The following CUX1 variants were observed in gnomAD, a reference collection of about 807,000 sequenced individuals.
CUX1 encodes protein CASP.
A neutral mutation model predicts 158.8 loss-of-function variants in CUX1; 31 were observed. That is an observed-to-expected ratio of 0.20 (90% CI 0.15 to 0.26). The LOEUF (loss-of-function observed/expected upper bound fraction) is 0.26, where lower values mean the gene tolerates loss of function less well. Ranked by LOEUF, CUX1 falls within the 10% of genes least tolerant of loss-of-function variation. CUX1 has a pLI of 1.00. For synonymous variants in CUX1, 879 were observed against 862.1 expected (o/e 1.02, Z -0.34); for missense variants, 1,589 against 2,014.6 (o/e 0.79, Z 4.04).
chr7:102,158,174 T>A (rs1789996029), intron 8 of CUX1, among the ~76,000 whole-genome samples: 1 of 152,072 alleles, frequency 6.6e-6, no homozygotes, highest in Admixed American at 6.6e-5. Flanking sequence ...ACCTGTCACC[T>A]CCTCTGCAGC....
chr7:102,049,129 A>G (rs986890628), intron 3 of CUX1, among the ~76,000 whole-genome samples: 11 of 152,204 alleles, frequency 7.2e-5, no homozygotes, highest in African/African-American at 2.4e-4. Flanking sequence ...CTAGGGGGAC[A>G]CAGTACTGGG....
chr7:102,190,503 ACTGACCTCCC>A (rs1554516703), intron 12 of CUX1, among the ~76,000 whole-genome samples: 1 of 152,078 alleles, frequency 6.6e-6, no homozygotes. Flanking sequence ...CTCCAGGCTC[ACTGACCTCCC>A]CTGCAAGCCT....
intron 11 of CUX1, among the ~76,000 whole-genome samples, chr7:102,183,641 T>G (rs898740519): frequency 1.3e-5 from 2 of 152,108 alleles, no homozygotes; most frequent in East Asian, 3.9e-4. Flanking sequence ...CAGTGTCAGC[T>G]AAGGGTCTGT....
At chr7:102,081,016 T>C (rs1346602106) in intron 4 of CUX1, among the ~76,000 whole-genome samples, 1 of 152,156 alleles carries the variant, frequency 6.6e-6, no homozygotes, top group Non-Finnish European at 1.5e-5. Flanking sequence ...CGATACCTTC[T>C]GGTTTCTGGC....
chr7:101,986,938 G>T (rs2129230933), intron 2 of CUX1, among the ~76,000 whole-genome samples: 1 of 152,210 alleles, frequency 6.6e-6, no homozygotes, highest in Middle Eastern at 3.4e-3. Flanking sequence ...TGGAAGCCGT[G>T]GGGATGTGGT....
chr7:101,938,638 G>T (rs1448455378), intron 2 of CUX1, among the ~76,000 whole-genome samples: 1 of 152,150 alleles, frequency 6.6e-6, no homozygotes, highest in East Asian at 1.9e-4. Flanking sequence ...GGGTGCAGTG[G>T]CTCACACCTG....
At chr7:101,825,512 C>T (rs972598595) in intron 1 of CUX1, among the ~76,000 whole-genome samples, 30 of 152,084 alleles carry the variant, frequency 2.0e-4, no homozygotes, top group African/African-American at 5.8e-4. Context: ...CGGAGCTGGC[C>T]GTCCCAGAGG....
At chr7:101,930,236 A>G (rs1472987316) in intron 2 of CUX1, among the ~76,000 whole-genome samples, 1 of 152,160 alleles carries the variant, frequency 6.6e-6, no homozygotes, top group East Asian at 1.9e-4. Flanking sequence ...GAAGTGGCAT[A>G]CTCATTTAAA....
chr7:101,827,157 G>A (rs1793396113), intron 1 of CUX1, among the ~76,000 whole-genome samples: 1 of 151,932 alleles, frequency 6.6e-6, no homozygotes, highest in African/African-American at 2.4e-5. Context: ...AACAACATGG[G>A]GATTAGGGGC....
intron 14 of CUX1, among the ~76,000 whole-genome samples, chr7:102,272,764 C>T (rs1554546558): frequency 1.3e-5 from 2 of 152,196 alleles, no homozygotes; most frequent in Non-Finnish European, 2.9e-5. Flanking sequence ...GAGAGACAGA[C>T]AGGGCTGTGG....
rs542631593 is a variant in CUX1, at chr7:102,241,797, C to T, written c.3887+2213C>T. Among the ~76,000 whole-genome samples, 5 of 152,372 alleles carry T rather than the reference C, an allele frequency of 3.3e-5. No homozygotes were observed. In the East Asian group the frequency reaches 7.7e-4, roughly 23 times the overall value. ...ACAGGCCTCCCCGTGTTCCAGCTAC[C>T]TCCCGCAAGGACAAAATCCAGGATT... On this transcript the variant is annotated intron_variant, in intron 23 of 23. Coordinates refer to ENST00000292535, the MANE Select transcript of CUX1 (RefSeq NM_181552.4).
intron 10 of CUX1, among the ~76,000 whole-genome samples, chr7:102,178,016 C>G (rs1023176013): frequency 2.6e-5 from 4 of 152,106 alleles, no homozygotes; most frequent in Admixed American, 1.3e-4. Context: ...CTCAGCCTCC[C>G]GAGTAGCTGG....
intron 3 of CUX1, among the ~76,000 whole-genome samples, chr7:102,044,555 C>T (rs564730788): frequency 1.3e-5 from 2 of 152,268 alleles, no homozygotes; most frequent in South Asian, 4.1e-4. Flanking sequence ...TCCCCTCTTT[C>T]CAGCCTGCTC....
At chr7:102,274,708 C>T (rs991929122) in intron 16 of CUX1, among the ~76,000 whole-genome samples, 10 of 152,214 alleles carry the variant, frequency 6.6e-5, no homozygotes, top group African/African-American at 1.9e-4. Flanking sequence ...TCAGCCCTGC[C>T]GGTGGCCTGT....
At chr7:102,229,036 A>C (rs1394461170) in intron 21 of CUX1, among the ~76,000 whole-genome samples, 1 of 152,200 alleles carries the variant, frequency 6.6e-6, no homozygotes, top group Non-Finnish European at 1.5e-5. Context: ...TTCTAGCACC[A>C]GGCCCGACTG....
At chr7:101,913,485 C>T (rs1395750492) in intron 1 of CUX1, 1 of 1,084,002 alleles carries the variant, frequency 9.2e-7, no homozygotes, top group South Asian at 1.5e-5. Flanking sequence ...TCCTCCTCCA[C>T]CAGGCAGGCT....
intron 3 of CUX1, among the ~76,000 whole-genome samples, chr7:102,041,529 C>T (rs1221870942): frequency 1.3e-5 from 2 of 151,978 alleles, no homozygotes; most frequent in East Asian, 3.9e-4. Flanking sequence ...GCTGAGATTA[C>T]AAGCATGAGC....
intron 20 of CUX1, among the ~76,000 whole-genome samples, chr7:102,216,804 A>AC (rs1321630349): frequency 2.5e-4 from 10 of 40,466 alleles, no homozygotes; most frequent in African/African-American, 5.9e-4. Context: ...TCCCACACAC[A>AC]CCCCCACACA....
rs200090006 is a variant in CUX1 at position 101,837,828 on chromosome 7, C to CAA, written c.30+20188_30+20189dup. Reference sequence around the variant, plus strand: ...CCTGGGTGACAGAACGAGACCCTGTCAAAAAAAAAAAAAAAAAAAAAAAAA... The same window carrying CAA: ...CCTGGGTGACAGAACGAGACCCTGTCAAAAAAAAAAAAAAAAAAAAAAAAAAA... On this transcript the variant is annotated intron_variant, in intron 1 of 23. Transcript: ENST00000292535. 3.1e-3 allele frequency among the ~76,000 whole-genome samples: 139 copies of CAA among 44,368 alleles called. 6 individuals are homozygous for CAA. Among genetic ancestry groups the CAA allele is most frequent in the South Asian group, 8.3e-3 (6 of 722 alleles). 29.1% of individuals were successfully genotyped at this position (44,368 alleles called of 152,430 possible).
Sources: gnomAD v4.1 joint callset for allele counts (sites outside exome capture counted in the v4.1 genomes callset) on GRCh38, gnomAD v4.1.1 for gene constraint, MANE v1.5 for transcripts, NCBI Gene and HGNC (gene_info 2026-07-23, HGNC 2026-07-21) for gene names.